Variants in ATF7 observed in about 807,000 individuals in gnomAD.
The protein encoded by ATF7 is activating transcription factor 7, also known as cyclic AMP-dependent transcription factor ATF-7.
ATF7 carries 10 observed loss-of-function variants against 50.4 expected under a neutral mutation model. That is an observed-to-expected ratio of 0.20 (90% CI 0.12 to 0.34). The LOEUF is 0.34. Among genes scored for constraint, ATF7 ranks in the 10% least tolerant of loss-of-function variants. ATF7 has a pLI of 1.00. For missense variants in ATF7, 465 were observed against 613.9 expected (o/e 0.76, Z 2.56); for synonymous variants, 201 against 226.4 (o/e 0.89, Z 1.01).
intron 11 of ATF7, chr12:53,517,591 G>T: frequency 1.8e-6 from 1 of 547,310 alleles, no homozygotes. Context: ...CCAATAAAAT[G>T]AATCTCCAAC....
intron 10 of ATF7, 113 bp from the exon 11 acceptor site, chr12:53,523,497 T>C (rs1196265468): frequency 4.0e-5 from 30 of 754,522 alleles, no homozygotes; most frequent in East Asian, 1.6e-4. Context: ...CTCCCCTGAA[T>C]TGGGACAAGA....
At chr12:53,527,808 T>C (rs1462742108) in intron 9 of ATF7, among the ~76,000 whole-genome samples, 1 of 151,590 alleles carries the variant, frequency 6.6e-6, no homozygotes, top group Non-Finnish European at 1.5e-5. Context: ...CTCTAGGCCC[T>C]ACTGAATTAT....
At chr12:53,624,589 T>C (rs555022436) in intron 1 of ATF7, among the ~76,000 whole-genome samples, 1 of 152,332 alleles carries the variant, frequency 6.6e-6, no homozygotes, top group South Asian at 2.1e-4. Context: ...GCTTGCAAAC[T>C]TTTCTTTAGC....
Position 53,516,836 on chromosome 12 carries a change from A to T in ATF7, c.*301T>A. 2.6e-6 allele frequency: 1 copy of T among 391,400 alleles called. No individual in the cohort carries two copies. The highest frequency in any genetic ancestry group is 3.1e-5 in the South Asian group (1 of 31,780). 24.2% of individuals were successfully genotyped at this position (391,400 alleles called of 1,614,324 possible). A position where few individuals can be genotyped will look rare whatever the true frequency, so the allele number is the denominator to read the frequency against. On this transcript the variant is annotated 3_prime_UTR_variant, in exon 12 of 12. Transcript: ENST00000420353. ...GGTTAGTGTTAAAAGAGACAGATAC[A>T]CGTGCATGGGGCAGGGGTGATTGTT... is the stretch of plus-strand genomic sequence containing the variant.
chr12:53,517,239 G>A lies in ATF7; in HGVS notation c.1350C>T (p.Ala450=). Residue 450 remains alanine, a synonymous_variant, in exon 12 of 12, where the codon GCC becomes GCT. Coordinates refer to ENST00000420353, the MANE Select transcript of ATF7 (RefSeq NM_006856.3). ...LSVRSAAEAV[A]TSVLTQMASQ... ...TGGCCATCTGAGTGAGGACCGAGGT[G>A]GCCACAGCTTCAGCTGCAGAGCGAA... 6.2e-7 allele frequency: 1 copy of A among 1,614,050 alleles called. No individual in the cohort carries two copies. The highest frequency in any genetic ancestry group is 8.5e-7 in the Non-Finnish European group (1 of 1,179,902).
intron 1 of ATF7, among the ~76,000 whole-genome samples, chr12:53,609,470 TAA>T (rs10715146): frequency 5.4e-3 from 756 of 139,404 alleles, no homozygotes; most frequent in Middle Eastern, 0.014. Flanking sequence ...CCCTGTTTCT[TAA>T]AAAAAAAAAA....
At chr12:53,600,808 C>G in intron 2 of ATF7, 145 bp downstream of exon 2, 1 of 722,872 alleles carries the variant, frequency 1.4e-6, no homozygotes, top group African/African-American at 1.8e-5. Flanking sequence ...TTCCTCATAA[C>G]TTGGATTTAC....
At chr12:53,523,248 G>A in intron 11 of ATF7, 28 bp downstream of exon 11, 1 of 1,482,070 alleles carries the variant, frequency 6.7e-7, no homozygotes, top group Non-Finnish European at 9.4e-7. Context: ...CTGACTGACT[G>A]ACTTAGCTTA....
At chr12:53,510,015 C>G (rs1339885204), downstream of ATF7, among the ~76,000 whole-genome samples, 2 of 151,870 alleles carry the variant, frequency 1.3e-5, no homozygotes, top group African/African-American at 4.8e-5. Flanking sequence ...ACCTGACATT[C>G]ATCATCATGG....
chr12:53,536,140 G>A (rs1177226487), intron 5 of ATF7, among the ~76,000 whole-genome samples: 1 of 152,090 alleles, frequency 6.6e-6, no homozygotes, highest in African/African-American at 2.4e-5. Context: ...GGAGGTAAAT[G>A]CTATCCTGAG....
intron 9 of ATF7, among the ~76,000 whole-genome samples, chr12:53,530,673 T>A (rs1219338475): frequency 6.6e-6 from 1 of 152,138 alleles, no homozygotes; most frequent in Non-Finnish European, 1.5e-5. Context: ...AGTGGTGTGA[T>A]CTCAGCTCAC....
intron 9 of ATF7, chr12:53,525,038 CG>C (rs1452935685): frequency 8.6e-6 from 3 of 349,528 alleles, no homozygotes; most frequent in Non-Finnish European, 1.6e-5. Flanking sequence ...AATGAAACCA[CG>C]GTTACTTTTT....
At chr12:53,622,320 AAT>A in intron 1 of ATF7, among the ~76,000 whole-genome samples, 1 of 150,066 alleles carries the variant, frequency 6.7e-6, no homozygotes, top group Non-Finnish European at 1.5e-5. Flanking sequence ...TAATAATAAT[AAT>A]AATAATAGAA....
chr12:53,523,130 T>C, intron 11 of ATF7, 146 bp downstream of exon 11: 1 of 608,422 alleles, frequency 1.6e-6, no homozygotes, highest in Non-Finnish European at 2.9e-6. Context: ...TTTTTCTAGG[T>C]CTGGTTGCTC....
intron 2 of ATF7, among the ~76,000 whole-genome samples, chr12:53,591,966 A>G (rs913878797): frequency 2.0e-5 from 3 of 152,154 alleles, no homozygotes; most frequent in Non-Finnish European, 2.9e-5. Flanking sequence ...AATCCAGGGA[A>G]TTGCAAATTC....
chr12:53,585,416 T>C (rs772751918), intron 2 of ATF7, among the ~76,000 whole-genome samples: 2 of 152,020 alleles, frequency 1.3e-5, no homozygotes, highest in African/African-American at 4.8e-5. Context: ...ATGTTGACAG[T>C]GGGGGAGGCT....
chr12:53,597,641 C>T (rs1451610084), intron 2 of ATF7, among the ~76,000 whole-genome samples: 2 of 152,028 alleles, frequency 1.3e-5, no homozygotes, highest in Non-Finnish European at 2.9e-5. Flanking sequence ...AACCCTGTCT[C>T]TACTAAAAAT....
chr12:53,608,610 G>C (rs773856574), intron 1 of ATF7, among the ~76,000 whole-genome samples: 2 of 152,084 alleles, frequency 1.3e-5, no homozygotes, highest in Non-Finnish European at 2.9e-5. Context: ...AGTTTAGCAG[G>C]TACCGAATAC....
At chr12:53,556,698 T>G (rs1281145467) in intron 2 of ATF7, among the ~76,000 whole-genome samples, 2 of 152,152 alleles carry the variant, frequency 1.3e-5, no homozygotes, top group Non-Finnish European at 2.9e-5. Context: ...CTTCAGAAAT[T>G]CTCTAGGATA....
Sources: allele counts gnomAD v4.1 joint callset (sites outside exome capture counted in the v4.1 genomes callset), GRCh38; gene constraint gnomAD v4.1.1; transcripts MANE v1.5; gene names NCBI Gene and HGNC (gene_info 2026-07-23, HGNC 2026-07-21).